The following PDIA5 variants were observed in gnomAD, a reference collection of about 807,000 sequenced individuals.
PDIA5 encodes the protein protein disulfide isomerase family A member 5, also known as protein disulfide-isomerase A5.
Under a neutral mutation model 77.6 loss-of-function variants are expected in PDIA5, and 58 were observed. The observed-to-expected ratio is 0.75, with a 90% confidence interval of 0.61 to 0.93. The LOEUF is 0.93. Among genes scored for constraint, PDIA5 ranks in the 40% least tolerant of loss-of-function variants. The probability of loss-of-function intolerance (pLI) is 0.00; values close to 1 mark genes in which losing one functional copy is unlikely to be tolerated. For missense variants in PDIA5, 630 were observed against 647.7 expected (o/e 0.97, Z 0.30); for synonymous variants, 250 against 252.1 (o/e 0.99, Z 0.08).
intron 15 of PDIA5, among the ~76,000 whole-genome samples, chr3:123,160,481 G>T (rs1018466191): frequency 6.6e-6 from 1 of 152,146 alleles, no homozygotes; most frequent in African/African-American, 2.4e-5. Context: ...GTGCTTCCCT[G>T]GTCTCCTCCT....
At chr3:123,103,037 TA>T (rs1429287241) in intron 5 of PDIA5, among the ~76,000 whole-genome samples, 1 of 152,230 alleles carries the variant, frequency 6.6e-6, no homozygotes, top group Non-Finnish European at 1.5e-5. Context: ...AGTTGTCCAG[TA>T]AGGCAGGTGA....
chr3:123,104,018 C>T (rs901896378), intron 5 of PDIA5, among the ~76,000 whole-genome samples: 2 of 152,234 alleles, frequency 1.3e-5, no homozygotes, highest in South Asian at 2.1e-4. Flanking sequence ...GAGTTCTGAG[C>T]GGCTCCTCAT....
intron 6 of PDIA5, 146 bp from the exon 7 acceptor site, chr3:123,110,798 C>T (rs1464342053): frequency 6.8e-6 from 5 of 737,388 alleles, no homozygotes; most frequent in Non-Finnish European, 1.2e-5. Flanking sequence ...AAATCAGCTG[C>T]CAGCGTATGC....
intron 11 of PDIA5, among the ~76,000 whole-genome samples, chr3:123,139,936 A>G (rs934608404): frequency 1.3e-5 from 2 of 152,180 alleles, no homozygotes; most frequent in Non-Finnish European, 2.9e-5. Flanking sequence ...TGGGCAGGGA[A>G]CAAGTGAGCA....
At chr3:123,100,857 G>T (rs1398341238) in intron 3 of PDIA5, among the ~76,000 whole-genome samples, 1 of 152,246 alleles carries the variant, frequency 6.6e-6, no homozygotes, top group African/African-American at 2.4e-5. Flanking sequence ...GTTGGTGGAG[G>T]TGAGGCATGT....
At chr3:123,091,213 G>A (rs1367253383) in intron 2 of PDIA5, among the ~76,000 whole-genome samples, 1 of 152,120 alleles carries the variant, frequency 6.6e-6, no homozygotes. Flanking sequence ...TGTCTCTTGA[G>A]CGATACTTTT....
intron 15 of PDIA5, among the ~76,000 whole-genome samples, chr3:123,156,610 G>A (rs1257558400): frequency 1.3e-5 from 2 of 152,156 alleles, no homozygotes; most frequent in East Asian, 3.9e-4. Flanking sequence ...CCAGAATGCT[G>A]GGTGCTCTGG....
intron 3 of PDIA5, among the ~76,000 whole-genome samples, chr3:123,096,032 T>C (rs1438951331): frequency 1.3e-5 from 2 of 152,090 alleles, no homozygotes; most frequent in African/African-American, 2.4e-5. Flanking sequence ...TTCTAGTCTT[T>C]CAGGGGGGTC....
chr3:123,143,080 C>T (rs751388901), intron 11 of PDIA5, among the ~76,000 whole-genome samples: 4 of 152,026 alleles, frequency 2.6e-5, no homozygotes, highest in African/African-American at 4.8e-5. Context: ...ACCTCAGGTC[C>T]CACCTTTAGA....
At chr3:123,083,218 A>AGGGGGG (rs144077305) in intron 1 of PDIA5, among the ~76,000 whole-genome samples, 1 of 12,806 alleles carries the variant, frequency 7.8e-5, no homozygotes, top group Non-Finnish European at 1.6e-4. Flanking sequence ...GGGGTGGGGG[A>AGGGGGG]GGGGGGGTGC....
At chr3:123,120,415 A>G (rs1935086030) in intron 8 of PDIA5, among the ~76,000 whole-genome samples, 1 of 152,152 alleles carries the variant, frequency 6.6e-6, no homozygotes, top group Non-Finnish European at 1.5e-5. Context: ...GAAGCCCTGT[A>G]CCCCACAGAG....
rs141615179 is a variant in PDIA5 at position 123,149,254 on chromosome 3, G to A, written c.1143-980G>A. On this transcript the variant is annotated intron_variant, in intron 13 of 16. Coordinates refer to ENST00000316218, the MANE Select transcript of PDIA5 (RefSeq NM_006810.4). ...CCTGAAAAACACCTGGAAATAAGGA[G>A]CTTGGATGAGAGGTGAGGCCTTAAG... Among the ~76,000 whole-genome samples, 480 of 152,352 alleles carry A rather than the reference G, an allele frequency of 3.2e-3. 2 individuals carry two copies. Among genetic ancestry groups the A allele is most frequent in the South Asian group, 0.015 (74 of 4,832 alleles).
intron 8 of PDIA5, among the ~76,000 whole-genome samples, chr3:123,121,823 T>C (rs1416273753): frequency 3.3e-5 from 5 of 152,352 alleles, no homozygotes; most frequent in Admixed American, 3.3e-4. Context: ...TTGAATCTTC[T>C]CAACAACCAC....
In PDIA5 at chr3:123,154,894, T is replaced by G. The variant is rs1384376597; in HGVS notation, c.1274-77T>G. The G allele has an allele frequency of 1.7e-5, 16 of 961,034 alleles. 1 individual carries two copies. The South Asian group carries it at 2.1e-4, about 12-fold the overall frequency. The allele number at this position is 961,034 out of a possible 1,614,324, so 59.5% of individuals were successfully genotyped here. On this transcript the variant is annotated intron_variant, in intron 14 of 16. Coordinates refer to ENST00000316218, the MANE Select transcript of PDIA5 (RefSeq NM_006810.4). The stretch of plus-strand genomic sequence containing the variant: ...TCCTGGAGAGCCCTCTCTGGAGCTT[T>G]CAGGAAGGGTCCCTGGCCCTGCAGC...
intron 16 of PDIA5, 117 bp from the exon 17 acceptor site, chr3:123,161,763 C>T: frequency 1.3e-6 from 1 of 758,688 alleles, no homozygotes; most frequent in South Asian, 1.6e-5. Context: ...AGTCTGCCCA[C>T]CTCTCCCTGT....
chr3:123,141,782 A>G (rs763438213), intron 11 of PDIA5, among the ~76,000 whole-genome samples: 1 of 152,154 alleles, frequency 6.6e-6, no homozygotes, highest in Non-Finnish European at 1.5e-5. Flanking sequence ...ATCTTAATAT[A>G]CCTCATATTA....
chr3:123,150,407 T>C (rs1393564610), intron 14 of PDIA5, 43 bp downstream of exon 14: 21 of 1,581,394 alleles, frequency 1.3e-5, no homozygotes, highest in Middle Eastern at 3.4e-4. Flanking sequence ...GTAAGAGGGG[T>C]TTGGCCCCAC....
At chr3:123,108,157 C>A (rs993023727) in intron 6 of PDIA5, among the ~76,000 whole-genome samples, 2 of 151,974 alleles carry the variant, frequency 1.3e-5, no homozygotes, top group Non-Finnish European at 2.9e-5. Context: ...TTTTAACCTT[C>A]TGGAGGAAGG....
intron 8 of PDIA5, among the ~76,000 whole-genome samples, chr3:123,121,159 A>T (rs1935107152): frequency 6.6e-6 from 1 of 152,174 alleles, no homozygotes; most frequent in Admixed American, 6.5e-5. Context: ...GTTAGATGGA[A>T]ATGTGCTCCA....
Sources: gnomAD v4.1 joint callset for allele counts (sites outside exome capture counted in the v4.1 genomes callset) on GRCh38, gnomAD v4.1.1 for gene constraint, MANE v1.5 for transcripts, NCBI Gene and HGNC (gene_info 2026-07-23, HGNC 2026-07-21) for gene names.